Variants in MACROD2 observed in about 807,000 individuals in gnomAD.
MACROD2 encodes the protein ADP-ribose glycohydrolase MACROD2.
In MACROD2, 36 loss-of-function variants were observed where a neutral mutation model predicts 70.4. The ratio of observed to expected loss-of-function variants is 0.51; its 90% CI spans 0.39 to 0.68. MACROD2 has a LOEUF of 0.68. Ranked by LOEUF, MACROD2 falls within the 30% of genes least tolerant of loss-of-function variation. The pLI is 0.00. For missense variants in MACROD2, 496 were observed against 538.4 expected, an observed-to-expected ratio of 0.92 and a Z score of 0.78; for synonymous variants, 172 against 178.8, an observed-to-expected ratio of 0.96 and a Z score of 0.30.
At chr20:14,084,114 C>CCT (rs1269701371) in intron 2 of MACROD2, among the ~76,000 whole-genome samples, 1 of 133,826 alleles carries the variant, frequency 7.5e-6, no homozygotes, top group Non-Finnish European at 1.6e-5. Context: ...GAAGCGGTTA[C>CCT]TAAGAAGGGA....
At chr20:15,265,475 G>A (rs1038990721) in intron 6 of MACROD2, among the ~76,000 whole-genome samples, 1 of 152,106 alleles carries the variant, frequency 6.6e-6, no homozygotes, top group African/African-American at 2.4e-5. Context: ...CCCTTTCTTG[G>A]CAATTCAGTC....
chr20:15,308,757 G>A (rs1189332947), intron 6 of MACROD2, among the ~76,000 whole-genome samples: 1 of 152,112 alleles, frequency 6.6e-6, no homozygotes, highest in African/African-American at 2.4e-5. Flanking sequence ...GTTAACCCTA[G>A]GGATTAACTT....
At chr20:14,056,920 T>A (rs2053636796) in intron 2 of MACROD2, among the ~76,000 whole-genome samples, 1 of 152,088 alleles carries the variant, frequency 6.6e-6, no homozygotes, top group South Asian at 2.1e-4. Context: ...TTTTTCTCAT[T>A]GTTTTTTAAC....
At chr20:15,091,978 A>G (rs2075796198) in intron 5 of MACROD2, among the ~76,000 whole-genome samples, 1 of 151,542 alleles carries the variant, frequency 6.6e-6, no homozygotes, top group African/African-American at 2.4e-5. Context: ...AGTGAACGAC[A>G]AATACTTAGG....
At chr20:14,627,677 G>C (rs1984260694) in intron 4 of MACROD2, among the ~76,000 whole-genome samples, 1 of 152,164 alleles carries the variant, frequency 6.6e-6, no homozygotes, top group South Asian at 2.1e-4. Flanking sequence ...TATGTTTTCT[G>C]AATTAGTGCA....
intron 15 of MACROD2, among the ~76,000 whole-genome samples, chr20:16,028,570 C>T (rs1392789873): frequency 6.6e-6 from 1 of 152,166 alleles, no homozygotes; most frequent in African/African-American, 2.4e-5. Flanking sequence ...TCATCACTGC[C>T]TTTCATCACT....
chr20:14,467,736 C>T (rs1421540497), intron 3 of MACROD2, among the ~76,000 whole-genome samples: 2 of 152,110 alleles, frequency 1.3e-5, no homozygotes, highest in East Asian at 3.8e-4. Context: ...CAGCATTCTC[C>T]TGTGGGCATT....
Position 14,091,331 on chromosome 20 carries a change from G to A in MACROD2, c.271+5603G>A, listed in dbSNP as rs573006550. 3.9e-5 allele frequency among the ~76,000 whole-genome samples: 6 copies of A among 152,136 alleles called. No homozygotes were observed. In the South Asian group the frequency reaches 1.0e-3, roughly 26 times the overall value. ...AGTATGGTTACCAGAGGCTGGAGGG[G>A]GATTGGAGGAAGGAAATGGGGAGTT... is the stretch of plus-strand genomic sequence containing the variant. On this transcript the variant is annotated intron_variant, in intron 3 of 17. Coordinates refer to ENST00000684519, the MANE Select transcript of MACROD2 (RefSeq NM_001351661.2).
intron 2 of MACROD2, 57 bp from the exon 3 acceptor site, chr20:14,085,564 T>A: frequency 9.7e-7 from 1 of 1,035,820 alleles, no homozygotes; most frequent in Non-Finnish European, 1.3e-6. Context: ...TAAAAAATTA[T>A]CTCGATTAAG....
intron 5 of MACROD2, among the ~76,000 whole-genome samples, chr20:14,814,868 C>T (rs1328299150): frequency 6.6e-6 from 1 of 151,838 alleles, no homozygotes; most frequent in South Asian, 2.1e-4. Flanking sequence ...AAGCTATCAG[C>T]TCTTAAGATG....
chr20:14,396,733 G>A (rs1045677032), intron 3 of MACROD2, among the ~76,000 whole-genome samples: 1 of 151,748 alleles, frequency 6.6e-6, no homozygotes, highest in South Asian at 2.1e-4. Flanking sequence ...AGACCATCCT[G>A]CCTAACGCGG....
At chr20:14,732,464 T>C (rs2123704927) in intron 5 of MACROD2, among the ~76,000 whole-genome samples, 1 of 152,224 alleles carries the variant, frequency 6.6e-6, no homozygotes. Flanking sequence ...ATTTTTAGAT[T>C]TATGAAGGGG....
chr20:14,250,536 C>T (rs1357603592), intron 3 of MACROD2, among the ~76,000 whole-genome samples: 1 of 152,110 alleles, frequency 6.6e-6, no homozygotes, highest in Non-Finnish European at 1.5e-5. Flanking sequence ...GTCAGGAGTG[C>T]CCTGTTTGAG....
intron 5 of MACROD2, among the ~76,000 whole-genome samples, chr20:14,921,564 C>A (rs572219770): frequency 6.6e-6 from 1 of 152,146 alleles, no homozygotes; most frequent in Non-Finnish European, 1.5e-5. Context: ...CATTGCATAC[C>A]TAAAGGCTAA....
intron 5 of MACROD2, among the ~76,000 whole-genome samples, chr20:15,132,253 G>A (rs1028483136): frequency 2.6e-5 from 4 of 151,824 alleles, no homozygotes; most frequent in Non-Finnish European, 2.9e-5. Context: ...AATGCAAAGA[G>A]AATTTAACAA....
intron 15 of MACROD2, among the ~76,000 whole-genome samples, chr20:16,003,402 A>G (rs2066742615): frequency 6.6e-6 from 1 of 152,148 alleles, no homozygotes; most frequent in African/African-American, 2.4e-5. Flanking sequence ...ATTCACATTT[A>G]TATATCCTAG....
intron 3 of MACROD2, among the ~76,000 whole-genome samples, chr20:14,273,299 A>T (rs2082215473): frequency 1.3e-5 from 2 of 152,130 alleles, no homozygotes; most frequent in South Asian, 4.1e-4. Context: ...ACTGTCTCTC[A>T]GACCACAGTG....
intron 3 of MACROD2, among the ~76,000 whole-genome samples, chr20:14,443,115 G>A (rs1293767278): frequency 6.6e-6 from 1 of 151,510 alleles, no homozygotes; most frequent in Non-Finnish European, 1.5e-5. Context: ...TACACTGAGT[G>A]TGGTAATACT....
intron 12 of MACROD2, among the ~76,000 whole-genome samples, chr20:15,945,038 C>A (rs6080042): frequency 0.04 from 6,044 of 152,254 alleles, 164 homozygotes; most frequent in Middle Eastern, 0.082. Context: ...CCTACCCTGA[C>A]TAAGCTGTGT....
Sources: gnomAD v4.1 joint callset for allele counts (sites outside exome capture counted in the v4.1 genomes callset) on GRCh38, gnomAD v4.1.1 for gene constraint, MANE v1.5 for transcripts, NCBI Gene and HGNC (gene_info 2026-07-23, HGNC 2026-07-21) for gene names.